GRM1: variants seen among roughly 807,000 people sequenced by gnomAD.
The protein encoded by GRM1 is glutamate metabotropic receptor 1.
GRM1 carries 33 observed loss-of-function variants against 90.9 expected under a neutral mutation model. The observed-to-expected ratio is 0.36, with a 90% CI of 0.28 to 0.49. GRM1 has a LOEUF of 0.49. Ranked by LOEUF, GRM1 falls within the 20% of genes least tolerant of loss-of-function variation. The pLI is 0.99. For synonymous variants in GRM1, 700 were observed against 613.2 expected (o/e 1.14, Z -2.09); for missense variants, 1,190 against 1,534.3 (o/e 0.78, Z 3.75).
At chr6:146,313,300 G>T (rs1247044512) in intron 3 of GRM1, among the ~76,000 whole-genome samples, 1 of 152,072 alleles carries the variant, frequency 6.6e-6, no homozygotes, top group African/African-American at 2.4e-5. Flanking sequence ...TCTTTAATTA[G>T]ATCAGTTTTC....
intron 2 of GRM1, among the ~76,000 whole-genome samples, chr6:146,246,672 A>G (rs2114749942): frequency 6.6e-6 from 1 of 152,320 alleles, no homozygotes; most frequent in East Asian, 1.9e-4. Flanking sequence ...GCAATGCAAT[A>G]AAACAATGCA....
intron 2 of GRM1, among the ~76,000 whole-genome samples, chr6:146,244,359 C>A (rs1245501061): frequency 6.6e-6 from 1 of 152,158 alleles, no homozygotes; most frequent in African/African-American, 2.4e-5. Flanking sequence ...TAATAAATGT[C>A]CATGAAATCT....
chr6:146,376,309 A>T (rs1358349384), intron 5 of GRM1, among the ~76,000 whole-genome samples: 1 of 152,164 alleles, frequency 6.6e-6, no homozygotes, highest in Non-Finnish European at 1.5e-5. Flanking sequence ...AGAGTAGTTT[A>T]CATACCACAG....
At chr6:146,108,017 A>C (rs543257508) in intron 1 of GRM1, among the ~76,000 whole-genome samples, 2 of 152,304 alleles carry the variant, frequency 1.3e-5, no homozygotes, top group Non-Finnish European at 2.9e-5. Context: ...TACATTTTTC[A>C]GAGTGCTTTC....
chr6:146,383,573 A>G (rs531009372), intron 5 of GRM1, among the ~76,000 whole-genome samples: 1 of 152,170 alleles, frequency 6.6e-6, no homozygotes, highest in South Asian at 2.1e-4. Context: ...GACTTAATTG[A>G]CTCTACTTTC....
intron 1 of GRM1, among the ~76,000 whole-genome samples, chr6:146,055,067 TG>T (rs1775434020): frequency 6.6e-6 from 1 of 152,116 alleles, no homozygotes; most frequent in Non-Finnish European, 1.5e-5. Context: ...CTGCATTTCT[TG>T]TTCATACTGT....
chr6:146,119,046 C>T (rs1296280898), intron 1 of GRM1, among the ~76,000 whole-genome samples: 2 of 152,224 alleles, frequency 1.3e-5, no homozygotes, highest in Non-Finnish European at 2.9e-5. Context: ...AATTAGTTTA[C>T]AGTCCCACCA....
intron 2 of GRM1, among the ~76,000 whole-genome samples, chr6:146,285,179 A>G (rs1488363776): frequency 1.3e-5 from 2 of 152,176 alleles, no homozygotes; most frequent in African/African-American, 4.8e-5. Flanking sequence ...CAGCTGATAC[A>G]CTTACTGGCT....
chr6:146,397,440 C>G (rs1048003998), intron 6 of GRM1, among the ~76,000 whole-genome samples: 3 of 133,464 alleles, frequency 2.2e-5, no homozygotes, highest in Admixed American at 8.0e-5. Context: ...CGCCACTGCA[C>G]TCCAGCCTGG....
At chr6:146,088,942 A>C (rs1042049088) in intron 1 of GRM1, among the ~76,000 whole-genome samples, 6 of 152,106 alleles carry the variant, frequency 3.9e-5, no homozygotes, top group African/African-American at 1.4e-4. Context: ...TGAATCAATG[A>C]AATTCAACTT....
At chr6:146,225,649 T>A (rs1780213953) in intron 2 of GRM1, among the ~76,000 whole-genome samples, 1 of 152,150 alleles carries the variant, frequency 6.6e-6, no homozygotes, top group Non-Finnish European at 1.5e-5. Context: ...ATAAATTACA[T>A]TCTAATAATA....
Position 146,140,111 on chromosome 6 carries a change from TTC to T in GRM1, c.701-19235_701-19234del, listed in dbSNP as rs576673410. Among the ~76,000 whole-genome samples, 10 of 126,680 alleles carry T rather than the reference TTC, an allele frequency of 7.9e-5. No individual in the cohort carries two copies. The South Asian group carries it at 2.9e-3, about 37-fold the overall frequency. The allele number at this position is 126,680 out of a possible 152,430, so 83.1% of individuals were successfully genotyped here. A position where few individuals can be genotyped will look rare whatever the true frequency, so the allele number is the denominator to read the frequency against. ...CTTTATTCTTTCTTTCTTTCTTTCT[TTC>T]TTTCTTTCTTTCTTTCTTTCTTTCT... On this transcript the variant is annotated intron_variant, in intron 1 of 7. Transcript: ENST00000282753.
intron 2 of GRM1, among the ~76,000 whole-genome samples, chr6:146,228,712 A>C (rs1780338587): frequency 6.6e-6 from 1 of 152,174 alleles, no homozygotes; most frequent in African/African-American, 2.4e-5. Context: ...AGTTTATTGC[A>C]GTCCACACCC....
At chr6:146,247,766 A>AT (rs1781114944) in intron 2 of GRM1, among the ~76,000 whole-genome samples, 1 of 144,398 alleles carries the variant, frequency 6.9e-6, no homozygotes, top group African/African-American at 2.7e-5. Context: ...AAAAAAAAAA[A>AT]GGAAATGTGT....
At chr6:146,428,642 G>A (rs1057283428) in intron 7 of GRM1, among the ~76,000 whole-genome samples, 25 of 152,212 alleles carry the variant, frequency 1.6e-4, no homozygotes, top group African/African-American at 4.6e-4. Context: ...TAAAGGGAGC[G>A]TAATTTAAGT....
At chr6:146,416,360 C>T (rs1475925528) in intron 7 of GRM1, among the ~76,000 whole-genome samples, 1 of 151,724 alleles carries the variant, frequency 6.6e-6, no homozygotes, top group African/African-American at 2.4e-5. Flanking sequence ...TCAACTTTCT[C>T]CTGTATTAGT....
chr6:146,165,149 C>T (rs1446971535), intron 2 of GRM1, among the ~76,000 whole-genome samples: 1 of 152,034 alleles, frequency 6.6e-6, no homozygotes, highest in Non-Finnish European at 1.5e-5. Context: ...ACAAACACAT[C>T]AAACACACGT....
chr6:146,266,994 G>C (rs893789759), intron 2 of GRM1, among the ~76,000 whole-genome samples: 4 of 152,292 alleles, frequency 2.6e-5, no homozygotes, highest in Admixed American at 2.6e-4. Context: ...CCATCACCTA[G>C]GTATTAAGCC....
chr6:146,332,071 A>G (rs1298124716), intron 3 of GRM1, among the ~76,000 whole-genome samples: 1 of 152,156 alleles, frequency 6.6e-6, no homozygotes. Context: ...ATTGATCATA[A>G]TGGTAGATTT....
Sources: gnomAD v4.1 joint callset for allele counts (sites outside exome capture counted in the v4.1 genomes callset) on GRCh38, gnomAD v4.1.1 for gene constraint, MANE v1.5 for transcripts, NCBI Gene and HGNC (gene_info 2026-07-23, HGNC 2026-07-21) for gene names.